The following GNAT3 variants were observed in gnomAD, a reference collection of about 807,000 sequenced individuals.
GNAT3 encodes guanine nucleotide-binding protein G(t) subunit alpha-3.
A neutral mutation model predicts 37.7 loss-of-function variants in GNAT3; 31 were observed. The ratio of observed to expected loss-of-function variants is 0.82; its 90% CI spans 0.62 to 1.11. GNAT3 has a LOEUF of 1.11. Ranked by LOEUF, GNAT3 falls within the 50% of genes most tolerant of loss-of-function variation. The probability of loss-of-function intolerance (pLI) is 0.00; values close to 1 mark genes in which losing one functional copy is unlikely to be tolerated. For synonymous variants in GNAT3, 138 were observed against 139.8 expected, an observed-to-expected ratio of 0.99 and a Z score of 0.09; for missense variants, 437 against 412.5, an observed-to-expected ratio of 1.06 and a Z score of -0.51.
chr7:80,485,048 A>G (rs1057473841), intron 3 of GNAT3, among the ~76,000 whole-genome samples: 1 of 152,104 alleles, frequency 6.6e-6, no homozygotes, highest in Non-Finnish European at 1.5e-5. Flanking sequence ...TTCAATGTGG[A>G]TAATTCCCTT....
rs1790750763 is a variant in GNAT3 at position 80,497,608 on chromosome 7, GTATATACA to G, written c.119-2969_119-2962del. Among the ~76,000 whole-genome samples the G allele has an allele frequency of 1.7e-5, 2 of 117,724 alleles. 1 individual carries two copies. Among genetic ancestry groups the G allele is most frequent in the Non-Finnish European group, 3.4e-5 (2 of 59,362 alleles). 77.2% of individuals were successfully genotyped at this position (117,724 alleles called of 152,430 possible). A position where few individuals can be genotyped will look rare whatever the true frequency, so the allele number is the denominator to read the frequency against. On this transcript the variant is annotated intron_variant, in intron 1 of 7. Transcript: ENST00000398291. ...TATACATATACGTATATACATATAC[GTATATACA>G]TATACGTATATACATATACGTATAT...
intron 2 of GNAT3, among the ~76,000 whole-genome samples, chr7:80,493,681 C>T (rs1428321525): frequency 4.4e-5 from 6 of 137,146 alleles, no homozygotes; most frequent in Non-Finnish European, 9.3e-5. Context: ...TTTCCTCCTC[C>T]TCCTCTTTCC....
At chr7:80,497,602 A>G (rs11977577) in intron 1 of GNAT3, among the ~76,000 whole-genome samples, 2,262 of 120,482 alleles carry the variant, frequency 0.019, 90 homozygotes, top group African/African-American at 0.024. Flanking sequence ...ACGTATATAC[A>G]TATACGTATA....
chr7:80,507,861 A>T (rs1446982868), intron 1 of GNAT3, among the ~76,000 whole-genome samples: 1 of 151,992 alleles, frequency 6.6e-6, no homozygotes, highest in African/African-American at 2.4e-5. Flanking sequence ...AAACCATTTG[A>T]AAAGTTTGAA....
At chr7:80,482,336 A>T (rs1313256720) in intron 3 of GNAT3, among the ~76,000 whole-genome samples, 1 of 152,198 alleles carries the variant, frequency 6.6e-6, no homozygotes, top group Non-Finnish European at 1.5e-5. Context: ...AGTGCTGTTT[A>T]GGAGGAATGA....
chr7:80,488,513 C>G, intron 3 of GNAT3, 22 bp downstream of exon 3: 1 of 1,588,224 alleles, frequency 6.3e-7, no homozygotes. Flanking sequence ...GGACATACAG[C>G]TGTCATTATT....
At chr7:80,471,570 A>G (rs763634742) in intron 5 of GNAT3, among the ~76,000 whole-genome samples, 6 of 152,058 alleles carry the variant, frequency 3.9e-5, no homozygotes, top group Non-Finnish European at 7.4e-5. Context: ...CAACTTAAAG[A>G]TAGTTCCCCA....
intron 1 of GNAT3, among the ~76,000 whole-genome samples, chr7:80,501,557 A>G (rs997863280): frequency 6.6e-6 from 1 of 151,952 alleles, no homozygotes; most frequent in South Asian, 2.1e-4. Context: ...AATGTTTCCC[A>G]TACCTTTTTT....
chr7:80,460,996 TTTAA>T (rs1174654220), intron 7 of GNAT3, among the ~76,000 whole-genome samples: 5 of 143,272 alleles, frequency 3.5e-5, no homozygotes, highest in African/African-American at 8.1e-5. Context: ...ATATAAAACC[TTTAA>T]TTATGAGTTT....
At chr7:80,510,569 C>A (rs1430522022) in intron 1 of GNAT3, among the ~76,000 whole-genome samples, 1 of 152,130 alleles carries the variant, frequency 6.6e-6, no homozygotes, top group African/African-American at 2.4e-5. Context: ...TAACAGAATT[C>A]TATGGTGTGT....
intron 3 of GNAT3, among the ~76,000 whole-genome samples, chr7:80,484,735 T>TAAA (rs1790448356): frequency 6.6e-6 from 1 of 152,026 alleles, no homozygotes; most frequent in Non-Finnish European, 1.5e-5. Flanking sequence ...AACCCTCTTT[T>TAAA]CAAGTTCTAT....
intron 1 of GNAT3, among the ~76,000 whole-genome samples, chr7:80,503,066 G>A (rs981132300): frequency 6.6e-6 from 1 of 151,770 alleles, no homozygotes; most frequent in Non-Finnish European, 1.5e-5. Flanking sequence ...TTTAAAAAAA[G>A]CCAAGTACTA....
Position 80,493,624 on chromosome 7 carries a change from TTCCTCCTCCTCTTTCCTCC to T in GNAT3, c.161+962_161+980del, listed in dbSNP as rs1562730417. ...TCTTTCCTCCTCCTCCTCTTTCCTC[TTCCTCCTCCTCTTTCCTCC>T]TCCTCCTCCTCTTTCCTCCTCCTCC... On this transcript the variant is annotated intron_variant, in intron 2 of 7. Coordinates refer to ENST00000398291, the MANE Select transcript of GNAT3 (RefSeq NM_001102386.3). Among the ~76,000 whole-genome samples, 163 of 80,712 alleles carry T rather than the reference TTCCTCCTCCTCTTTCCTCC, an allele frequency of 2.0e-3. 1 individual carries two copies. The South Asian group carries it at 0.054, about 27-fold the overall frequency. 53.0% of individuals were successfully genotyped at this position (80,712 alleles called of 152,430 possible).
At chr7:80,490,953 A>T (rs1790579875) in intron 2 of GNAT3, among the ~76,000 whole-genome samples, 1 of 152,136 alleles carries the variant, frequency 6.6e-6, no homozygotes, top group Admixed American at 6.6e-5. Context: ...GGATGAAGAC[A>T]TCGGCAAGAA....
intron 1 of GNAT3, among the ~76,000 whole-genome samples, chr7:80,510,867 T>C (rs1278958949): frequency 6.6e-6 from 1 of 152,164 alleles, no homozygotes; most frequent in Non-Finnish European, 1.5e-5. Context: ...TTTAAATACT[T>C]AAAATATGAG....
intron 3 of GNAT3, among the ~76,000 whole-genome samples, chr7:80,484,207 T>C (rs1790438888): frequency 1.3e-5 from 2 of 152,100 alleles, no homozygotes; most frequent in Admixed American, 1.3e-4. Flanking sequence ...CTTAGAACTT[T>C]GTGGAACTTA....
At chr7:80,466,733 A>T (rs1417842715) in intron 5 of GNAT3, among the ~76,000 whole-genome samples, 2 of 152,116 alleles carry the variant, frequency 1.3e-5, no homozygotes, top group Admixed American at 1.3e-4. Context: ...GAAACATCTG[A>T]AGCATCTCTG....
chr7:80,489,800 A>T (rs1321460714), intron 2 of GNAT3, among the ~76,000 whole-genome samples: 4 of 152,166 alleles, frequency 2.6e-5, no homozygotes, highest in Non-Finnish European at 5.9e-5. Flanking sequence ...TAGATCAAGA[A>T]TAAGTTTATT....
Position 80,462,531 on chromosome 7 carries a change from C to T in GNAT3, c.691G>A (p.Asp231Asn). The change falls in exon 6 of 8, where the codon GAC (aspartate) becomes AAC (asparagine). Residue 231 changes from aspartate to asparagine, a missense_variant. Physicochemically the swap from Asp to Asn is conservative, Grantham distance 23. Transcript: ENST00000398291. ...TCTTCGTCTTCCACGAGGACCATGTCATAGGCACTAAGTGCAGCACAAAAT... is the reference window on the plus strand; with the variant it reads ...TCTTCGTCTTCCACGAGGACCATGTTATAGGCACTAAGTGCAGCACAAAAT... ...IIFCAALSAY[D>N]MVLVEDEEVN... 1 of 1,613,722 alleles carries T rather than the reference C, an allele frequency of 6.2e-7. No homozygotes were observed. Among genetic ancestry groups the T allele is most frequent in the Non-Finnish European group, 8.5e-7 (1 of 1,179,762 alleles).
Sources: gnomAD v4.1 joint callset for allele counts (sites outside exome capture counted in the v4.1 genomes callset) on GRCh38, gnomAD v4.1.1 for gene constraint, MANE v1.5 for transcripts, NCBI Gene and HGNC (gene_info 2026-07-23, HGNC 2026-07-21) for gene names.